RPL3L: variants seen among roughly 807,000 people sequenced by gnomAD.
The protein encoded by RPL3L is ribosomal protein uL3-like.
Under a neutral mutation model 44.5 loss-of-function variants are expected in RPL3L, and 44 were observed. That is an observed-to-expected ratio of 0.99 (90% CI 0.78 to 1.27). The LOEUF is 1.27. Ranked by LOEUF, RPL3L falls within the 50% of genes most tolerant of loss-of-function variation. The pLI, the probability that RPL3L is intolerant of heterozygous loss-of-function variation, is 0.00. For missense variants in RPL3L, 631 were observed against 569.1 expected, an observed-to-expected ratio of 1.11 and a Z score of -1.11; for synonymous variants, 292 against 230.7, an observed-to-expected ratio of 1.27 and a Z score of -2.41.
chr16:1,945,977 G>A (rs369175883), intron 7 of RPL3L, 47 bp from the exon 8 acceptor site: 69 of 1,525,564 alleles, frequency 4.5e-5, no homozygotes, highest in Non-Finnish European at 5.7e-5. Context: ...GGGCTTCTGA[G>A]TTAGTGGGTG....
chr16:1,950,409 G>A (rs1034845394), intron 4 of RPL3L, among the ~76,000 whole-genome samples: 3 of 152,026 alleles, frequency 2.0e-5, no homozygotes, highest in Non-Finnish European at 2.9e-5. Context: ...CTAGGGCCTC[G>A]GGAAGCCTTC....
rs1052171457 is a variant in RPL3L at position 1,951,092 on chromosome 16, C to T, written c.366-113G>A. The T allele has an allele frequency of 9.5e-5, 133 of 1,400,978 alleles. No individual in the cohort carries two copies. The African/African-American group carries it at 1.4e-3, about 15-fold the overall frequency. The allele number at this position is 1,400,978 out of a possible 1,614,324, so 86.8% of individuals were successfully genotyped here. The stretch of plus-strand genomic sequence containing the variant: ...CAAGCAGGGGTCCTACCTCTGGGAC[C>T]GCCCCCCACCCGGAGGCCTCTGAGC... On this transcript the variant is annotated intron_variant, in intron 3 of 9. Coordinates refer to ENST00000268661, the MANE Select transcript of RPL3L (RefSeq NM_005061.3).
intron 2 of RPL3L, among the ~76,000 whole-genome samples, chr16:1,953,713 C>T (rs1344215690): frequency 1.3e-5 from 2 of 152,248 alleles, no homozygotes; most frequent in Non-Finnish European, 2.9e-5. Context: ...GCGCTTACCG[C>T]CCCGGTGACT....
At chr16:1,949,259 C>CTTTTTTTTTTTT (rs58248501) in intron 4 of RPL3L, among the ~76,000 whole-genome samples, 6 of 75,236 alleles carry the variant, frequency 8.0e-5, no homozygotes, top group Non-Finnish European at 1.0e-4. Context: ...TTTTTTTTTT[C>CTTTTTTTTTTTT]TTTTTTTTTT....
At chr16:1,952,734 C>G (rs896540247) in intron 3 of RPL3L, 140 bp downstream of exon 3, 38 of 934,370 alleles carry the variant, frequency 4.1e-5, no homozygotes, top group Middle Eastern at 3.4e-4. Flanking sequence ...CACACACAGA[C>G]ACTCCTACCT....
Position 1,950,145 on chromosome 16 carries a change from A to G in RPL3L, c.501+699T>C, listed in dbSNP as rs531384240. ...TGTAGGGGGCAGGTATGGACAGGGCAGGTATGTATGGGGTGGGTATGTATG... is the reference window on the plus strand; with the variant it reads ...TGTAGGGGGCAGGTATGGACAGGGCGGGTATGTATGGGGTGGGTATGTATG... On this transcript the variant is annotated intron_variant, in intron 4 of 9. Coordinates refer to ENST00000268661, the MANE Select transcript of RPL3L (RefSeq NM_005061.3). Among the ~76,000 whole-genome samples the G allele has an allele frequency of 6.6e-3, 389 of 59,290 alleles. 8 individuals are homozygous for G. The highest frequency in any genetic ancestry group is 0.01 in the Middle Eastern group (1 of 96). The allele number at this position is 59,290 out of a possible 152,430, so 38.9% of individuals were successfully genotyped here. A position where few individuals can be genotyped will look rare whatever the true frequency, so the allele number is the denominator to read the frequency against.
intron 4 of RPL3L, among the ~76,000 whole-genome samples, chr16:1,948,358 G>C (rs887125626): frequency 1.3e-5 from 2 of 151,880 alleles, no homozygotes; most frequent in African/African-American, 4.8e-5. Flanking sequence ...TGAGTAACTG[G>C]GATTACAGGT....
intron 9 of RPL3L, among the ~76,000 whole-genome samples, 187 bp downstream of exon 9, chr16:1,945,312 G>A (rs200970123): frequency 1.4e-5 from 2 of 147,944 alleles, no homozygotes; most frequent in East Asian, 4.1e-4. Context: ...CCAAGATCAC[G>A]GCACAGCACT....
intron 2 of RPL3L, among the ~76,000 whole-genome samples, 189 bp downstream of exon 2, chr16:1,953,767 C>A (rs1024602460): frequency 1.1e-4 from 16 of 152,212 alleles, no homozygotes; most frequent in South Asian, 2.1e-4. Flanking sequence ...TCCTCATCTG[C>A]GAGCTGGGGC....
At chr16:1,953,487 T>C (rs1323178328) in intron 2 of RPL3L, among the ~76,000 whole-genome samples, 1 of 152,236 alleles carries the variant, frequency 6.6e-6, no homozygotes, top group Non-Finnish European at 1.5e-5. Flanking sequence ...CCCAAAGTGC[T>C]GGGATTACAG....
In RPL3L at chr16:1,947,335, T is replaced by A; in HGVS notation, c.547A>T (p.Ile183Phe). 1 of 1,608,462 alleles carries A rather than the reference T, an allele frequency of 6.2e-7. No homozygotes were observed. Among genetic ancestry groups the A allele is most frequent in the Non-Finnish European group, 8.5e-7 (1 of 1,178,402 alleles). Residue 183 changes from isoleucine (I) to phenylalanine (F), a missense_variant, in exon 5 of 10, where the codon ATC (isoleucine) becomes TTC (phenylalanine). Transcript: ENST00000268661. The part of the protein sequence containing the change: ...FRQKKAHIME[I>F]QLNGGTVAEK... Reference sequence around the variant, plus strand: ...GCCACCGTGCCACCGTTCAGCTGGATCTCCATGATGTGGGCCTTCTTCTGC... The same window carrying A: ...GCCACCGTGCCACCGTTCAGCTGGAACTCCATGATGTGGGCCTTCTTCTGC...
chr16:1,953,951 C>T lies in RPL3L; in HGVS notation c.196+5G>A. 1 of 1,514,622 alleles carries T rather than the reference C, an allele frequency of 6.6e-7. No homozygotes were observed. Among genetic ancestry groups the T allele is most frequent in the South Asian group, 1.3e-5 (1 of 77,836 alleles). 93.8% of individuals were successfully genotyped at this position (1,514,622 alleles called of 1,614,324 possible). A position where few individuals can be genotyped will look rare whatever the true frequency, so the allele number is the denominator to read the frequency against. On this transcript the variant is annotated splice_donor_5th_base_variant and intron_variant, in intron 2 of 9. Coordinates refer to ENST00000268661, the MANE Select transcript of RPL3L (RefSeq NM_005061.3). ...CCTCCCCCAAGGGTCCCAACTGTGA[C>T]TCACTGAGCCCCGGCCGGTGCACCT...
chr16:1,951,032 A>G, intron 3 of RPL3L, 53 bp from the exon 4 acceptor site: 1 of 1,592,298 alleles, frequency 6.3e-7, no homozygotes, highest in South Asian at 1.1e-5. Flanking sequence ...GCAGCTCCCC[A>G]GGCCTATCCT....
At chr16:1,952,465 C>T (rs1356801396) in intron 3 of RPL3L, among the ~76,000 whole-genome samples, 1 of 152,110 alleles carries the variant, frequency 6.6e-6, no homozygotes, top group Non-Finnish European at 1.5e-5. Context: ...CAACCTTCAC[C>T]TCCCAGTTCA....
chr16:1,950,109 CGGGGCAGGTATGTAG>C (rs1197123371), intron 4 of RPL3L, among the ~76,000 whole-genome samples: 41 of 21,904 alleles, frequency 1.9e-3, no homozygotes, highest in Admixed American at 5.7e-3. Flanking sequence ...CAGGTATGGA[CGGGGCAGGTATGTAG>C]GGGGCAGGTA....
At chr16:1,954,490 C>A in intron 1 of RPL3L, 139 bp downstream of exon 1, 1 of 1,029,424 alleles carries the variant, frequency 9.7e-7, no homozygotes, top group Non-Finnish European at 1.4e-6. Flanking sequence ...CCCTCGTCCC[C>A]TTGTTTCCCC....
chr16:1,951,097 C>A, intron 3 of RPL3L, 118 bp from the exon 4 acceptor site: 1 of 1,386,838 alleles, frequency 7.2e-7, no homozygotes, highest in East Asian at 2.4e-5. Flanking sequence ...GGGACCGCCC[C>A]CCACCCGGAG....
chr16:1,950,748 G>T lies in RPL3L; in HGVS notation c.501+96C>A, dbSNP rs951952681. On this transcript the variant is annotated intron_variant, in intron 4 of 9. Coordinates refer to ENST00000268661, the MANE Select transcript of RPL3L (RefSeq NM_005061.3). ...TCCTCTGGGTCTGTGCCGAGGCTCG[G>T]GTATTTTTAGGCTGACATTTGCCAC... The T allele has an allele frequency of 1.4e-5, 22 of 1,590,270 alleles. No individual in the cohort carries two copies. In the African/African-American group the frequency reaches 2.6e-4, roughly 19 times the overall value.
Position 1,950,877 on chromosome 16 carries a change from G to GTACT in RPL3L, c.464_467dup (p.Tyr156Ter). 1 of 1,614,088 alleles carries GTACT rather than the reference G, an allele frequency of 6.2e-7. No homozygotes were observed. Among genetic ancestry groups the GTACT allele is most frequent in the Non-Finnish European group, 8.5e-7 (1 of 1,179,978 alleles). On this transcript the variant is annotated stop_gained and frameshift_variant, in exon 4 of 10. Coordinates refer to ENST00000268661, the MANE Select transcript of RPL3L (RefSeq NM_005061.3). LOFTEE classifies it high-confidence loss of function. The stretch of plus-strand genomic sequence containing the variant: ...GGACAATGACCCGAATGACCTTGCA[G>GTACT]TACTTCTTCATGGCGGCGAAGTCCT...
Sources: allele counts gnomAD v4.1 joint callset (sites outside exome capture counted in the v4.1 genomes callset), GRCh38; gene constraint gnomAD v4.1.1; transcripts MANE v1.5; gene names NCBI Gene and HGNC (gene_info 2026-07-23, HGNC 2026-07-21).